Variants in ANKS1B observed in about 807,000 individuals in gnomAD.
ANKS1B encodes the protein ankyrin repeat and sterile alpha motif domain-containing protein 1B.
In ANKS1B, 36 loss-of-function variants were observed where a neutral mutation model predicts 148.3. The observed-to-expected ratio is 0.24, with a 90% confidence interval of 0.19 to 0.32. The LOEUF (loss-of-function observed/expected upper bound fraction) is 0.32, where lower values mean the gene tolerates loss of function less well. Among genes scored for constraint, ANKS1B ranks in the 10% least tolerant of loss-of-function variants. The pLI, the probability that ANKS1B is intolerant of heterozygous loss-of-function variation, is 1.00. For synonymous variants in ANKS1B, 542 were observed against 560.8 expected (o/e 0.97, Z 0.47); for missense variants, 1,157 against 1,542.6 (o/e 0.75, Z 4.19).
At position 99,472,282 on chromosome 12, in the gene ANKS1B, C is replaced by T. The variant is rs77727136; in HGVS notation, c.1439-28473G>A. ...TTTTTCTGCAGCGTCTTCTCTGGCT[C>T]GGTCAGTCAGTAACTGATGTTTCTT... On this transcript the variant is annotated intron_variant, in intron 10 of 26. Coordinates refer to ENST00000683438, the MANE Select transcript of ANKS1B (RefSeq NM_001352186.2). 7.9e-3 allele frequency among the ~76,000 whole-genome samples: 1,196 copies of T among 152,170 alleles called. 12 individuals are homozygous for T. Among genetic ancestry groups the T allele is most frequent in the African/African-American group, 0.027 (1,113 of 41,558 alleles).
At chr12:99,574,535 C>A (rs1205276323) in intron 9 of ANKS1B, among the ~76,000 whole-genome samples, 4 of 151,770 alleles carry the variant, frequency 2.6e-5, no homozygotes, top group African/African-American at 9.7e-5. Flanking sequence ...AAATCCTAAA[C>A]AAATATTAGC....
chr12:99,610,549 G>A (rs201560653), intron 9 of ANKS1B, among the ~76,000 whole-genome samples: 1 of 152,028 alleles, frequency 6.6e-6, no homozygotes, highest in East Asian at 1.9e-4. Context: ...TTGGTGAAGA[G>A]GAATTCTAGT....
At chr12:99,391,575 G>A (rs184699576) in intron 12 of ANKS1B, among the ~76,000 whole-genome samples, 72 of 152,250 alleles carry the variant, frequency 4.7e-4, no homozygotes, top group Non-Finnish European at 8.7e-4. Context: ...ACTTTCTCAT[G>A]GCACACCCTG....
At chr12:99,447,880 G>T (rs1301178630) in intron 10 of ANKS1B, among the ~76,000 whole-genome samples, 3 of 152,044 alleles carry the variant, frequency 2.0e-5, no homozygotes, top group African/African-American at 7.2e-5. Flanking sequence ...TCAGAGAAAT[G>T]CAAATCAGAA....
intron 14 of ANKS1B, among the ~76,000 whole-genome samples, chr12:99,242,810 T>C (rs892005791): frequency 7.2e-5 from 11 of 152,184 alleles, no homozygotes; most frequent in African/African-American, 1.9e-4. Context: ...CCCTATTTAA[T>C]AAATGGTGCT....
At chr12:99,303,011 C>T (rs1309568438) in intron 12 of ANKS1B, among the ~76,000 whole-genome samples, 1 of 152,066 alleles carries the variant, frequency 6.6e-6, no homozygotes, top group East Asian at 1.9e-4. Flanking sequence ...ATGAAATGTG[C>T]ACAAGGGCCA....
At chr12:99,209,696 G>A (rs1020171974) in intron 14 of ANKS1B, among the ~76,000 whole-genome samples, 2 of 152,152 alleles carry the variant, frequency 1.3e-5, no homozygotes, top group African/African-American at 4.8e-5. Context: ...GACAGAGCAG[G>A]AGCATCACCA....
At chr12:99,227,374 T>G (rs982349842) in intron 14 of ANKS1B, among the ~76,000 whole-genome samples, 2 of 152,192 alleles carry the variant, frequency 1.3e-5, no homozygotes, top group African/African-American at 4.8e-5. Context: ...ATGCTTCCTG[T>G]AAAGCCTGCA....
chr12:99,711,681 A>C (rs1158791558), intron 8 of ANKS1B, among the ~76,000 whole-genome samples: 2 of 152,180 alleles, frequency 1.3e-5, no homozygotes, highest in East Asian at 3.8e-4. Flanking sequence ...GGCTATTATT[A>C]AAAAGTCAAA....
intron 19 of ANKS1B, among the ~76,000 whole-genome samples, chr12:98,809,905 G>C (rs1355785955): frequency 1.3e-5 from 2 of 152,120 alleles, no homozygotes; most frequent in African/African-American, 4.8e-5. Context: ...GACATCATAA[G>C]AGTGACAGAA....
chr12:98,740,368 T>C (rs1326094398), downstream of ANKS1B, among the ~76,000 whole-genome samples: 2 of 152,188 alleles, frequency 1.3e-5, no homozygotes, highest in Non-Finnish European at 2.9e-5. Context: ...GCACAGCCCA[T>C]GATGCTGCGA....
At chr12:98,944,190 C>T (rs954433598) in intron 17 of ANKS1B, among the ~76,000 whole-genome samples, 4 of 148,954 alleles carry the variant, frequency 2.7e-5, no homozygotes, top group Non-Finnish European at 5.9e-5. Context: ...ATCCCAGCTA[C>T]TGGGGAGGCT....
At chr12:99,319,296 T>C (rs1348102081) in intron 12 of ANKS1B, among the ~76,000 whole-genome samples, 1 of 152,184 alleles carries the variant, frequency 6.6e-6, no homozygotes, top group Non-Finnish European at 1.5e-5. Context: ...TATTATTGTG[T>C]AGGAGTCTAA....
At chr12:99,024,485 C>A (rs1027024687) in intron 17 of ANKS1B, among the ~76,000 whole-genome samples, 2 of 151,914 alleles carry the variant, frequency 1.3e-5, no homozygotes, top group African/African-American at 4.8e-5. Context: ...TTTTATAGAC[C>A]CTTTTGAGAA....
intron 9 of ANKS1B, among the ~76,000 whole-genome samples, chr12:99,536,016 G>A (rs755055155): frequency 6.6e-6 from 1 of 152,156 alleles, no homozygotes; most frequent in Non-Finnish European, 1.5e-5. Context: ...TGGGTTTGGA[G>A]CTCTACAAAC....
chr12:99,677,351 T>G (rs895252863), intron 8 of ANKS1B, among the ~76,000 whole-genome samples: 1 of 138,400 alleles, frequency 7.2e-6, no homozygotes, highest in African/African-American at 2.9e-5. Flanking sequence ...TATTTTTTTG[T>G]TTTTTTTCCT....
intron 1 of ANKS1B, among the ~76,000 whole-genome samples, chr12:99,954,550 C>T (rs931797662): frequency 2.0e-5 from 3 of 152,184 alleles, no homozygotes; most frequent in Non-Finnish European, 4.4e-5. Context: ...TACTTTTGGT[C>T]CTGATTCCTT....
intron 10 of ANKS1B, among the ~76,000 whole-genome samples, chr12:99,476,336 T>G (rs1414945363): frequency 6.6e-6 from 1 of 152,024 alleles, no homozygotes; most frequent in Admixed American, 6.6e-5. Context: ...CAGGTTGCAG[T>G]GAGCAGAGAT....
intron 17 of ANKS1B, among the ~76,000 whole-genome samples, chr12:98,868,560 C>T (rs549055506): frequency 4.6e-5 from 7 of 152,308 alleles, no homozygotes; most frequent in Non-Finnish European, 8.8e-5. Context: ...GATGACATGA[C>T]GAATTGCCCC....
Sources: gnomAD v4.1 joint callset for allele counts (sites outside exome capture counted in the v4.1 genomes callset) on GRCh38, gnomAD v4.1.1 for gene constraint, MANE v1.5 for transcripts, NCBI Gene and HGNC (gene_info 2026-07-23, HGNC 2026-07-21) for gene names.